The following PCDHA1 variants were observed in gnomAD, a reference collection of about 807,000 sequenced individuals.
PCDHA1 encodes protocadherin alpha 1.
Under a neutral mutation model 61.3 loss-of-function variants are expected in PCDHA1, and 42 were observed. The ratio of observed to expected loss-of-function variants is 0.69; its 90% CI spans 0.54 to 0.89. The LOEUF (loss-of-function observed/expected upper bound fraction) is 0.89, where lower values mean the gene tolerates loss of function less well. Ranked by LOEUF, PCDHA1 falls within the 40% of genes least tolerant of loss-of-function variation. The pLI, the probability that PCDHA1 is intolerant of heterozygous loss-of-function variation, is 0.00. For missense variants in PCDHA1, 1,256 were observed against 1,235.3 expected (o/e 1.02, Z -0.25); for synonymous variants, 610 against 553.8 (o/e 1.10, Z -1.43).
intron 1 of PCDHA1, among the ~76,000 whole-genome samples, chr5:140,789,271 G>GA (rs1472586352): frequency 2.0e-5 from 3 of 152,174 alleles, no homozygotes; most frequent in African/African-American, 7.2e-5. Context: ...ACAACATGGT[G>GA]AAACCCCGTC....
At chr5:141,007,227 A>G (rs1458505596) in intron 3 of PCDHA1, among the ~76,000 whole-genome samples, 1 of 151,972 alleles carries the variant, frequency 6.6e-6, no homozygotes, top group Non-Finnish European at 1.5e-5. Flanking sequence ...CAAAATAAGA[A>G]GGATTGTTGA....
At chr5:140,823,478 GA>G in intron 1 of PCDHA1, 2 of 1,613,472 alleles carry the variant, frequency 1.2e-6, no homozygotes, top group East Asian at 4.5e-5. Context: ...CTGGTGCCTC[GA>G]GTGGGTGGCA....
At chr5:140,796,536 C>A in intron 1 of PCDHA1, 1 of 1,612,784 alleles carries the variant, frequency 6.2e-7, no homozygotes, top group Non-Finnish European at 8.5e-7. Flanking sequence ...AGCCGCTGGA[C>A]CACGAGGAAG....
chr5:140,822,617 G>C (rs2150117818), intron 1 of PCDHA1: 14 of 1,610,588 alleles, frequency 8.7e-6, no homozygotes, highest in Non-Finnish European at 1.2e-5. Flanking sequence ...TATTTCTTTA[G>C]TAATCTTGTT....
intron 1 of PCDHA1, chr5:140,830,291 G>A (rs1770969160): frequency 6.2e-7 from 1 of 1,613,746 alleles, no homozygotes. Context: ...CGCGTGCACG[G>A]CGGACAAGCC....
chr5:140,787,046 A>G lies in PCDHA1; in HGVS notation c.756A>G (p.Leu252=). Residue 252 remains leucine (L), a synonymous_variant, in exon 1 of 4, where the codon TTA becomes TTG. Transcript: ENST00000504120. ...AGGCCGTATACAGAGTCCACTTGTT[A>G]GAGACTACAGCAAATGGAACATTAG... is the stretch of plus-strand genomic sequence containing the variant. ...FDQAVYRVHL[L]ETTANGTLVT... The G allele has an allele frequency of 6.2e-7, 1 of 1,614,228 alleles. No individual in the cohort carries two copies. Among genetic ancestry groups the G allele is most frequent in the Non-Finnish European group, 8.5e-7 (1 of 1,180,032 alleles).
intron 1 of PCDHA1, among the ~76,000 whole-genome samples, chr5:140,957,226 C>T (rs1421287024): frequency 1.3e-5 from 2 of 152,080 alleles, no homozygotes; most frequent in African/African-American, 4.8e-5. Context: ...TTTGGCGAAG[C>T]ATTTTGGCAT....
At chr5:140,850,181 G>A (rs2150471604) in intron 1 of PCDHA1, 2 of 1,593,852 alleles carry the variant, frequency 1.3e-6, no homozygotes, top group East Asian at 2.2e-5. Context: ...ACGACAATGC[G>A]CCGGCGCTGC....
intron 1 of PCDHA1, among the ~76,000 whole-genome samples, chr5:140,963,581 G>A (rs2095775682): frequency 6.6e-6 from 1 of 152,210 alleles, no homozygotes; most frequent in Non-Finnish European, 1.5e-5. Flanking sequence ...TTCTCAAAAT[G>A]TAGGATATAG....
Position 141,010,368 on chromosome 5 carries a change from C to G in PCDHA1, c.*431C>G, listed in dbSNP as rs368481822. 3,124 of 1,471,046 alleles carry G rather than the reference C, an allele frequency of 2.1e-3. 5 individuals are homozygous for G. Among genetic ancestry groups the G allele is most frequent in the Middle Eastern group, 8.7e-3 (36 of 4,144 alleles). The allele number at this position is 1,471,046 out of a possible 1,614,324, so 91.1% of individuals were successfully genotyped here. A position where few individuals can be genotyped will look rare whatever the true frequency, so the allele number is the denominator to read the frequency against. On this transcript the variant is annotated 3_prime_UTR_variant, in exon 4 of 4. Coordinates refer to ENST00000504120, the MANE Select transcript of PCDHA1 (RefSeq NM_018900.4). ...GGTATGTGTGGCTACCGCGGGTATG[C>G]GAGTGCCAGATATTGGCTGAGACGA...
At chr5:140,819,372 T>A (rs1481609844) in intron 1 of PCDHA1, among the ~76,000 whole-genome samples, 2 of 152,162 alleles carry the variant, frequency 1.3e-5, no homozygotes, top group Non-Finnish European at 2.9e-5. Flanking sequence ...CTTGTGTTAG[T>A]ATATTTCTAA....
chr5:140,879,824 T>G (rs946010713), intron 1 of PCDHA1, among the ~76,000 whole-genome samples: 2 of 152,250 alleles, frequency 1.3e-5, no homozygotes, highest in Non-Finnish European at 2.9e-5. Context: ...TGGTGTTCCC[T>G]GGCTTGTGGC....
intron 1 of PCDHA1, chr5:140,870,188 C>T: frequency 6.2e-7 from 1 of 1,614,142 alleles, no homozygotes; most frequent in Non-Finnish European, 8.5e-7. Flanking sequence ...CGAGAGGACG[C>T]TCAGCCCAGC....
At chr5:140,875,577 C>G in intron 1 of PCDHA1, 1 of 1,614,082 alleles carries the variant, frequency 6.2e-7, no homozygotes, top group Non-Finnish European at 8.5e-7. Context: ...ACTACTCCGT[C>G]TACGAGGAGG....
intron 1 of PCDHA1, among the ~76,000 whole-genome samples, chr5:140,963,510 G>A (rs536524403): frequency 1.8e-4 from 28 of 152,328 alleles, no homozygotes; most frequent in Non-Finnish European, 2.8e-4. Flanking sequence ...TCTTGAAGGG[G>A]TTCTCATAAC....
intron 3 of PCDHA1, among the ~76,000 whole-genome samples, chr5:141,000,542 C>T (rs1331109215): frequency 6.7e-6 from 1 of 148,268 alleles, no homozygotes; most frequent in Non-Finnish European, 1.5e-5. Context: ...ATTCTCATGC[C>T]TCAAACTCCC....
rs549585024 is a variant in PCDHA1 at position 140,809,126 on chromosome 5, C to T, written c.2394+20442C>T. The T allele has an allele frequency of 3.1e-6, 5 of 1,614,062 alleles. No homozygotes were observed. In the African/African-American group the frequency reaches 6.7e-5, roughly 22 times the overall value. On this transcript the variant is annotated intron_variant, in intron 1 of 3. Transcript: ENST00000504120. Reference sequence around the variant, plus strand: ...CGAAACGGACGCTCCGCGCCACCGCCTACTGGTACTGGTGAAGGACCACGG... The same window carrying T: ...CGAAACGGACGCTCCGCGCCACCGCTTACTGGTACTGGTGAAGGACCACGG...
In PCDHA1 at chr5:140,917,150, G is replaced by A. The variant is rs535773024; in HGVS notation, c.2395-61799G>A. Among the ~76,000 whole-genome samples the A allele has an allele frequency of 2.0e-5, 3 of 152,324 alleles. No individual in the cohort carries two copies. In the South Asian group the frequency reaches 6.2e-4, roughly 32 times the overall value. On this transcript the variant is annotated intron_variant, in intron 1 of 3. Transcript: ENST00000504120. ...CCCCACGTTGCTCAGCTGCTGCTGG[G>A]GGATATGGGAGGGGTGATGGTGGTG...
intron 1 of PCDHA1, chr5:140,824,550 C>G (rs1768160543): frequency 1.1e-5 from 2 of 175,504 alleles, no homozygotes; most frequent in Non-Finnish European, 2.4e-5. Context: ...CTCCTGGGCT[C>G]AAGTGATCCT....
Sources: gnomAD v4.1 joint callset for allele counts (sites outside exome capture counted in the v4.1 genomes callset) on GRCh38, gnomAD v4.1.1 for gene constraint, MANE v1.5 for transcripts, NCBI Gene and HGNC (gene_info 2026-07-23, HGNC 2026-07-21) for gene names.